The following ROBO1 variants were observed in gnomAD, a reference collection of about 807,000 sequenced individuals.
ROBO1 encodes the protein roundabout guidance receptor 1.
In ROBO1, 149 loss-of-function variants were observed where a neutral mutation model predicts 195.9. The observed-to-expected ratio is 0.76, with a 90% CI of 0.67 to 0.87. The LOEUF is 0.87. ROBO1 is among the 40% of genes least tolerant of loss of function. The pLI, the probability that ROBO1 is intolerant of heterozygous loss-of-function variation, is 0.00. For synonymous variants in ROBO1, 816 were observed against 733.2 expected (o/e 1.11, Z -1.82); for missense variants, 1,933 against 2,068.3 (o/e 0.93, Z 1.27).
At chr3:79,297,458 CAT>C (rs1018901170) in intron 2 of ROBO1, among the ~76,000 whole-genome samples, 5 of 152,142 alleles carry the variant, frequency 3.3e-5, no homozygotes, top group Non-Finnish European at 5.9e-5. Context: ...CTCTAGTGGG[CAT>C]ATGCTCAGTA....
At chr3:79,247,356 C>G (rs1194655733) in intron 2 of ROBO1, among the ~76,000 whole-genome samples, 2 of 149,610 alleles carry the variant, frequency 1.3e-5, no homozygotes, top group Admixed American at 1.4e-4. Context: ...CCACCAATGG[C>G]AGCTTATTAA....
At chr3:79,406,230 C>T (rs1416854871) in intron 2 of ROBO1, among the ~76,000 whole-genome samples, 6 of 143,846 alleles carry the variant, frequency 4.2e-5, no homozygotes, top group African/African-American at 1.5e-4. Flanking sequence ...AGTCTGGGAA[C>T]ATAGTGGAAC....
At chr3:78,695,645 A>AG (rs1334314279) in intron 8 of ROBO1, among the ~76,000 whole-genome samples, 3 of 89,556 alleles carry the variant, frequency 3.3e-5, no homozygotes, top group African/African-American at 1.2e-4. Context: ...AAAAAAAAAG[A>AG]AAAGAAAACA....
At chr3:78,787,222 C>T (rs6797234) in intron 4 of ROBO1, among the ~76,000 whole-genome samples, 4,773 of 152,188 alleles carry the variant, frequency 0.031, 237 homozygotes, top group African/African-American at 0.11. Context: ...ACTGTTTTGA[C>T]TGTTTAATTC....
intron 3 of ROBO1, among the ~76,000 whole-genome samples, chr3:79,039,533 C>T (rs933851591): frequency 6.6e-6 from 1 of 152,082 alleles, no homozygotes; most frequent in Non-Finnish European, 1.5e-5. Context: ...CGCTGTGGCT[C>T]ACGCCTGTAA....
At chr3:79,542,129 G>A (rs1213842419) in intron 2 of ROBO1, among the ~76,000 whole-genome samples, 1 of 151,858 alleles carries the variant, frequency 6.6e-6, no homozygotes, top group Non-Finnish European at 1.5e-5. Flanking sequence ...AGCCATTGGG[G>A]CAAACCTGAA....
intron 2 of ROBO1, among the ~76,000 whole-genome samples, chr3:79,484,791 G>A (rs1161464395): frequency 1.7e-5 from 1 of 57,552 alleles, no homozygotes; most frequent in Non-Finnish European, 3.5e-5. Context: ...GTCTCGCTCT[G>A]TCACCAGGCC....
chr3:78,892,772 T>C (rs2036981193), intron 4 of ROBO1, among the ~76,000 whole-genome samples: 1 of 152,232 alleles, frequency 6.6e-6, no homozygotes, highest in African/African-American at 2.4e-5. Flanking sequence ...TCAATCTAGA[T>C]ATATCAAGCC....
At chr3:79,180,908 G>C (rs1328458523) in intron 2 of ROBO1, among the ~76,000 whole-genome samples, 2 of 152,158 alleles carry the variant, frequency 1.3e-5, no homozygotes, top group Non-Finnish European at 2.9e-5. Flanking sequence ...ACTTTCCTGA[G>C]AACATCTTGA....
At chr3:79,227,440 A>T (rs2108842307) in intron 2 of ROBO1, among the ~76,000 whole-genome samples, 1 of 152,292 alleles carries the variant, frequency 6.6e-6, no homozygotes, top group Non-Finnish European at 1.5e-5. Flanking sequence ...AGATCTGTAT[A>T]TCTAATGCAG....
intron 2 of ROBO1, among the ~76,000 whole-genome samples, chr3:79,175,424 G>T (rs1310273537): frequency 6.6e-6 from 1 of 152,088 alleles, no homozygotes; most frequent in African/African-American, 2.4e-5. Context: ...GGGATTATAG[G>T]CATGAGCCAC....
intron 2 of ROBO1, among the ~76,000 whole-genome samples, chr3:79,201,419 A>G (rs1200585431): frequency 1.3e-5 from 2 of 152,058 alleles, no homozygotes; most frequent in African/African-American, 4.8e-5. Flanking sequence ...CACATATTCT[A>G]TTAAATATGT....
At chr3:79,693,383 TTGTGTGTGTGTGTGTGTGTG>T (rs55667736) in intron 1 of ROBO1, among the ~76,000 whole-genome samples, 3 of 145,124 alleles carry the variant, frequency 2.1e-5, no homozygotes, top group African/African-American at 5.2e-5. Flanking sequence ...ATATAGAGAT[TTGTGTGTGTGTGTGTGTGTG>T]TGTGTGTGTG....
At chr3:79,220,483 T>C (rs1488911674) in intron 2 of ROBO1, among the ~76,000 whole-genome samples, 1 of 152,038 alleles carries the variant, frequency 6.6e-6, no homozygotes, top group East Asian at 1.9e-4. Flanking sequence ...CAATTCATTG[T>C]GATACTCAAT....
intron 1 of ROBO1, among the ~76,000 whole-genome samples, chr3:79,656,578 TG>T (rs1307500998): frequency 6.6e-6 from 1 of 152,028 alleles, no homozygotes; most frequent in East Asian, 1.9e-4. Context: ...AAAGCTTTAT[TG>T]CCTTTGTTGA....
chr3:78,747,901 G>T (rs1325775351), intron 4 of ROBO1, among the ~76,000 whole-genome samples: 1 of 152,086 alleles, frequency 6.6e-6, no homozygotes, highest in Non-Finnish European at 1.5e-5. Context: ...CAACTCTGTT[G>T]TATACTAGAC....
intron 2 of ROBO1, among the ~76,000 whole-genome samples, chr3:79,229,766 G>A (rs990199904): frequency 1.3e-5 from 2 of 152,014 alleles, no homozygotes; most frequent in Non-Finnish European, 2.9e-5. Context: ...AAAATGAGAT[G>A]AAAATTAAAG....
rs561944081 is a variant in ROBO1 at position 78,840,580 on chromosome 3, C to T, written c.500-93680G>A. On this transcript the variant is annotated intron_variant, in intron 4 of 30. Transcript: ENST00000464233. ...ATTTGCAAGCCATGTACCTAATAAT[C>T]GTGCAAGGTTACACGGCTAATAACT... is the stretch of plus-strand genomic sequence containing the variant. Among the ~76,000 whole-genome samples, 8 of 152,178 alleles carry T rather than the reference C, an allele frequency of 5.3e-5. No homozygotes were observed. The South Asian group carries it at 8.3e-4, about 16-fold the overall frequency.
intron 4 of ROBO1, among the ~76,000 whole-genome samples, chr3:78,874,717 T>C (rs887278947): frequency 2.6e-5 from 4 of 151,950 alleles, no homozygotes; most frequent in African/African-American, 9.6e-5. Flanking sequence ...TAGTCAGTTT[T>C]ACTATTAGCA....
Sources: gnomAD v4.1 joint callset for allele counts (sites outside exome capture counted in the v4.1 genomes callset) on GRCh38, gnomAD v4.1.1 for gene constraint, MANE v1.5 for transcripts, NCBI Gene and HGNC (gene_info 2026-07-23, HGNC 2026-07-21) for gene names.